Variants in ERBB4 observed in about 807,000 individuals in gnomAD.
ERBB4 encodes the protein receptor tyrosine-protein kinase erbB-4.
A neutral mutation model predicts 158.0 loss-of-function variants in ERBB4; 42 were observed. The ratio of observed to expected loss-of-function variants is 0.27; its 90% CI spans 0.21 to 0.34. The LOEUF (loss-of-function observed/expected upper bound fraction) is 0.34, where lower values mean the gene tolerates loss of function less well. Among genes scored for constraint, ERBB4 ranks in the 10% least tolerant of loss-of-function variants. The probability of loss-of-function intolerance (pLI) is 1.00; values close to 1 mark genes in which losing one functional copy is unlikely to be tolerated. For synonymous variants in ERBB4, 583 were observed against 558.7 expected (o/e 1.04, Z -0.61); for missense variants, 1,333 against 1,624.1 (o/e 0.82, Z 3.08).
chr2:211,991,453 A>G (rs1048147850), intron 2 of ERBB4, among the ~76,000 whole-genome samples: 3 of 152,172 alleles, frequency 2.0e-5, no homozygotes, highest in African/African-American at 7.2e-5. Flanking sequence ...CAATATTCTT[A>G]AAGGTAAGAA....
chr2:212,178,980 G>T (rs2125686690), intron 1 of ERBB4, among the ~76,000 whole-genome samples: 1 of 151,642 alleles, frequency 6.6e-6, no homozygotes, highest in East Asian at 1.9e-4. Context: ...GAAATGGCTA[G>T]AAATACCACA....
chr2:211,389,569 T>G (rs2062759614), intron 25 of ERBB4, among the ~76,000 whole-genome samples: 1 of 152,196 alleles, frequency 6.6e-6, no homozygotes, highest in Non-Finnish European at 1.5e-5. Flanking sequence ...AGAATATTTA[T>G]CTATTTTCTT....
chr2:211,801,621 T>G (rs1410757660), intron 3 of ERBB4, among the ~76,000 whole-genome samples: 1 of 152,154 alleles, frequency 6.6e-6, no homozygotes, highest in Non-Finnish European at 1.5e-5. Flanking sequence ...TGTTCACTTC[T>G]AAAGATATAA....
At chr2:211,386,413 C>A (rs1380711760) in intron 27 of ERBB4, among the ~76,000 whole-genome samples, 1 of 152,104 alleles carries the variant, frequency 6.6e-6, no homozygotes, top group Non-Finnish European at 1.5e-5. Flanking sequence ...ATGAGTCAAA[C>A]AAATCTTTTA....
chr2:212,397,653 CT>C (rs2091070090), intron 1 of ERBB4, among the ~76,000 whole-genome samples: 1 of 152,012 alleles, frequency 6.6e-6, no homozygotes, highest in Admixed American at 6.6e-5. Flanking sequence ...TTCTGCCAAG[CT>C]TATGGTCAAA....
chr2:211,958,199 T>A (rs1003376704), intron 2 of ERBB4, among the ~76,000 whole-genome samples: 3 of 152,144 alleles, frequency 2.0e-5, no homozygotes, highest in Non-Finnish European at 4.4e-5. Context: ...ATATTTGCTT[T>A]AGTCATCTCC....
chr2:211,540,275 G>A (rs1320388809), intron 20 of ERBB4, among the ~76,000 whole-genome samples: 2 of 151,470 alleles, frequency 1.3e-5, no homozygotes, highest in African/African-American at 2.4e-5. Context: ...TGTGCTGCAG[G>A]AAGCATTGCA....
At chr2:211,532,701 A>G (rs2066534146) in intron 20 of ERBB4, among the ~76,000 whole-genome samples, 1 of 151,902 alleles carries the variant, frequency 6.6e-6, no homozygotes, top group Non-Finnish European at 1.5e-5. Context: ...AATGACAATA[A>G]CAATAATGAG....
Position 211,630,452 on chromosome 2 carries a change from A to T in ERBB4, c.2079+10T>A. ...CCCAAACACATGAAGAGGAGAAAGA[A>T]ATACCTCACCTCTGTTTCCAAGAAT... On this transcript the variant is annotated intron_variant, in intron 17 of 27. Coordinates refer to ENST00000342788, the MANE Select transcript of ERBB4 (RefSeq NM_005235.3). 2 of 1,612,976 alleles carry T rather than the reference A, an allele frequency of 1.2e-6. No homozygotes were observed. Among genetic ancestry groups the T allele is most frequent in the Non-Finnish European group, 1.7e-6 (2 of 1,179,084 alleles).
chr2:211,723,376 A>G (rs1055433576), intron 6 of ERBB4, among the ~76,000 whole-genome samples: 1 of 152,218 alleles, frequency 6.6e-6, no homozygotes, highest in Non-Finnish European at 1.5e-5. Context: ...CTTTCAATTA[A>G]GAAATTAAGC....
At chr2:211,859,555 A>G (rs2106066152) in intron 3 of ERBB4, among the ~76,000 whole-genome samples, 1 of 152,274 alleles carries the variant, frequency 6.6e-6, no homozygotes, top group Non-Finnish European at 1.5e-5. Flanking sequence ...AAATTCCTAA[A>G]AGTTAATTTT....
intron 5 of ERBB4, among the ~76,000 whole-genome samples, chr2:211,740,622 C>CTTTTTTTTTTTTTTTTTTTTTTT (rs1169540948): frequency 6.7e-5 from 6 of 90,172 alleles, no homozygotes; most frequent in Non-Finnish European, 1.0e-4. Flanking sequence ...TTTTCTTTGT[C>CTTTTTTTTTTTTTTTTTTTTTTT]TTTTTTTTTT....
At chr2:211,595,758 G>A (rs2068611125) in intron 19 of ERBB4, among the ~76,000 whole-genome samples, 1 of 152,148 alleles carries the variant, frequency 6.6e-6, no homozygotes, top group South Asian at 2.1e-4. Flanking sequence ...TATGCAACTA[G>A]TACTGCAATA....
chr2:211,778,832 T>C (rs2075962166), intron 4 of ERBB4: 1 of 152,254 alleles, frequency 6.6e-6, no homozygotes, highest in African/African-American at 2.4e-5. Context: ...TCAGTCCTCA[T>C]TACGGCAGTC....
intron 5 of ERBB4, among the ~76,000 whole-genome samples, chr2:211,744,351 T>C (rs1471913402): frequency 7.2e-5 from 11 of 152,220 alleles, no homozygotes; most frequent in Non-Finnish European, 1.6e-4. Context: ...GAAATTTCTG[T>C]CTGGTAGGTT....
chr2:212,138,196 C>T (rs916450240), intron 1 of ERBB4, among the ~76,000 whole-genome samples: 1 of 152,094 alleles, frequency 6.6e-6, no homozygotes, highest in African/African-American at 2.4e-5. Context: ...ATTTTACCCA[C>T]AATAACATAT....
intron 3 of ERBB4, among the ~76,000 whole-genome samples, chr2:211,942,913 G>T (rs192083301): frequency 6.6e-6 from 1 of 151,854 alleles, no homozygotes; most frequent in African/African-American, 2.4e-5. Context: ...TATTAAATTC[G>T]TACCTAGGTT....
At chr2:212,517,194 C>T (rs1451427585) in intron 1 of ERBB4, among the ~76,000 whole-genome samples, 1 of 152,074 alleles carries the variant, frequency 6.6e-6, no homozygotes, top group Non-Finnish European at 1.5e-5. Flanking sequence ...TTCTTCCTTT[C>T]TTTATACAAC....
At chr2:212,171,585 G>C (rs967515076) in intron 1 of ERBB4, among the ~76,000 whole-genome samples, 1 of 152,086 alleles carries the variant, frequency 6.6e-6, no homozygotes, top group Non-Finnish European at 1.5e-5. Flanking sequence ...TATTGAAGGA[G>C]GGACCAGGTT....
Sources: gnomAD v4.1 joint callset for allele counts (sites outside exome capture counted in the v4.1 genomes callset) on GRCh38, gnomAD v4.1.1 for gene constraint, MANE v1.5 for transcripts, NCBI Gene and HGNC (gene_info 2026-07-23, HGNC 2026-07-21) for gene names.